The following TRPM3 variants were observed in gnomAD, a reference collection of about 807,000 sequenced individuals.
The protein encoded by TRPM3 is long transient receptor potential channel 3.
TRPM3 carries 77 observed loss-of-function variants against 181.2 expected under a neutral mutation model. That is an observed-to-expected ratio of 0.42 (90% CI 0.35 to 0.51). The LOEUF (loss-of-function observed/expected upper bound fraction) is 0.51. Ranked by LOEUF, TRPM3 falls within the 20% of genes least tolerant of loss-of-function variation. TRPM3 has a pLI of 0.01. For missense variants in TRPM3, 1,759 were observed against 2,196.7 expected (o/e 0.80, Z 3.98); for synonymous variants, 745 against 796.4 (o/e 0.94, Z 1.09).
intron 21 of TRPM3, among the ~76,000 whole-genome samples, chr9:70,593,793 C>T (rs2058524252): frequency 6.7e-6 from 1 of 149,894 alleles, no homozygotes; most frequent in Admixed American, 6.7e-5. Flanking sequence ...TGATCCTGTC[C>T]TAATCTTGTA....
chr9:71,135,961 A>T (rs2074742188), intron 1 of TRPM3, among the ~76,000 whole-genome samples: 1 of 152,188 alleles, frequency 6.6e-6, no homozygotes, highest in Non-Finnish European at 1.5e-5. Context: ...CATGAATTTA[A>T]GAGTTTAGTA....
chr9:70,663,307 G>A (rs973862891), intron 9 of TRPM3, among the ~76,000 whole-genome samples: 3 of 152,146 alleles, frequency 2.0e-5, no homozygotes, highest in Non-Finnish European at 2.9e-5. Context: ...CTCAGGTGAC[G>A]GGTGCATTAA....
At chr9:71,165,342 G>A (rs946819335) in intron 1 of TRPM3, among the ~76,000 whole-genome samples, 1 of 152,122 alleles carries the variant, frequency 6.6e-6, no homozygotes, top group African/African-American at 2.4e-5. Flanking sequence ...TATTACTGCT[G>A]TTTTGTTATG....
intron 1 of TRPM3, among the ~76,000 whole-genome samples, chr9:70,876,309 A>G (rs1283351092): frequency 7.5e-6 from 1 of 133,694 alleles, no homozygotes; most frequent in South Asian, 2.2e-4. Flanking sequence ...ATATACATAT[A>G]TAGACATATA....
At chr9:71,399,777 C>T (rs557666418) in intron 1 of TRPM3, among the ~76,000 whole-genome samples, 5 of 152,212 alleles carry the variant, frequency 3.3e-5, no homozygotes, top group South Asian at 4.2e-4. Flanking sequence ...GTGATCCGCC[C>T]GCCTTGGGCT....
At chr9:70,921,974 CAT>C (rs1554770586) in intron 1 of TRPM3, among the ~76,000 whole-genome samples, 151 of 150,514 alleles carry the variant, frequency 1.0e-3, no homozygotes, top group African/African-American at 2.6e-3. Flanking sequence ...CACACACACA[CAT>C]ATAGTTATTT....
intron 1 of TRPM3, among the ~76,000 whole-genome samples, chr9:70,967,944 A>C (rs1264615961): frequency 6.6e-6 from 1 of 152,102 alleles, no homozygotes; most frequent in African/African-American, 2.4e-5. Flanking sequence ...TTTATAGATG[A>C]GAATTGTGAG....
In TRPM3 at chr9:71,121,443, C is replaced by T; in HGVS notation, c.-89G>A. On this transcript the variant is annotated 5_prime_UTR_variant, in exon 1 of 26. Transcript: ENST00000677713. ...TAGTCAAGTAGCCTTGCCTGAGCCC[C>T]TGAACCTTCTTAAAACAGCCACCTC... 6.7e-7 allele frequency: 1 copy of T among 1,495,470 alleles called. No homozygotes were observed. 92.6% of individuals were successfully genotyped at this position (1,495,470 alleles called of 1,614,324 possible). A position where few individuals can be genotyped will look rare whatever the true frequency, so the allele number is the denominator to read the frequency against.
intron 1 of TRPM3, among the ~76,000 whole-genome samples, chr9:71,144,346 C>G (rs1222443863): frequency 6.6e-6 from 1 of 152,112 alleles, no homozygotes; most frequent in East Asian, 1.9e-4. Context: ...CTTTTTAATC[C>G]TACTTTTTGC....
chr9:70,954,984 C>G (rs1296488881), intron 1 of TRPM3, among the ~76,000 whole-genome samples: 1 of 152,074 alleles, frequency 6.6e-6, no homozygotes, highest in Admixed American at 6.6e-5. Context: ...TAGGTGAGTG[C>G]CTGCGAGTTA....
intron 1 of TRPM3, among the ~76,000 whole-genome samples, chr9:71,264,003 C>T (rs966287244): frequency 3.3e-5 from 5 of 152,072 alleles, no homozygotes; most frequent in Admixed American, 6.6e-5. Flanking sequence ...AGGCTGGTCT[C>T]GAATTCCTGG....
In TRPM3 at chr9:70,533,966, G is replaced by A. The variant is rs1461473205; in HGVS notation, c.*1987C>T. On this transcript the variant is annotated 3_prime_UTR_variant, in exon 26 of 26. Coordinates refer to ENST00000677713, the MANE Select transcript of TRPM3 (RefSeq NM_001366145.2). The stretch of plus-strand genomic sequence containing the variant: ...ATTTCACAAAATAAAGTAAAACTTG[G>A]TGTTTTCAATTATAATTAAACAAAA... 2.6e-5 allele frequency: 4 copies of A among 152,120 alleles called. No homozygotes were observed. The highest frequency in any genetic ancestry group is 6.5e-5 in the Admixed American group (1 of 15,274). 9.4% of individuals were successfully genotyped at this position (152,120 alleles called of 1,614,324 possible).
At chr9:71,013,312 G>C (rs904468374) in intron 1 of TRPM3, among the ~76,000 whole-genome samples, 3 of 151,946 alleles carry the variant, frequency 2.0e-5, no homozygotes, top group African/African-American at 7.2e-5. Flanking sequence ...TTAGTCATAA[G>C]ATGTTTTATG....
intron 1 of TRPM3, among the ~76,000 whole-genome samples, chr9:71,091,138 A>C (rs1263820607): frequency 6.6e-6 from 1 of 152,172 alleles, no homozygotes; most frequent in Admixed American, 6.6e-5. Context: ...TCAAAGCTTA[A>C]ACACACCATG....
At chr9:71,202,157 C>T (rs964623825) in intron 1 of TRPM3, among the ~76,000 whole-genome samples, 1 of 152,140 alleles carries the variant, frequency 6.6e-6, no homozygotes, top group South Asian at 2.1e-4. Context: ...TTTCATGAAC[C>T]GCAAATGCTG....
At chr9:70,870,009 C>T (rs913470741) in intron 1 of TRPM3, among the ~76,000 whole-genome samples, 3 of 152,002 alleles carry the variant, frequency 2.0e-5, no homozygotes, top group African/African-American at 4.8e-5. Context: ...TATATGAGCA[C>T]TTCATCTCCA....
rs574300177 is a variant in TRPM3 at position 70,617,320 on chromosome 9, T to C, written c.2359-1245A>G. ...CCCATGACCCACATCACAGAACCTT[T>C]CTGTGACTCTAGGCCAAGAGCCCAC... On this transcript the variant is annotated intron_variant, in intron 17 of 25. Transcript: ENST00000677713. Among the ~76,000 whole-genome samples the C allele has an allele frequency of 8.5e-5, 13 of 152,152 alleles. No homozygotes were observed. The South Asian group carries it at 2.5e-3, about 29-fold the overall frequency.
At chr9:70,602,619 A>G (rs1395818053) in intron 20 of TRPM3, among the ~76,000 whole-genome samples, 1 of 152,220 alleles carries the variant, frequency 6.6e-6, no homozygotes, top group Non-Finnish European at 1.5e-5. Flanking sequence ...CTTGTGGTGA[A>G]CATTGAGTGG....
intron 18 of TRPM3, among the ~76,000 whole-genome samples, chr9:70,611,446 G>T (rs2061987100): frequency 6.6e-6 from 1 of 152,012 alleles, no homozygotes; most frequent in Non-Finnish European, 1.5e-5. Flanking sequence ...CACTTCCTCG[G>T]TCTGTCACTC....
Sources: allele counts gnomAD v4.1 joint callset (sites outside exome capture counted in the v4.1 genomes callset), GRCh38; gene constraint gnomAD v4.1.1; transcripts MANE v1.5; gene names NCBI Gene and HGNC (gene_info 2026-07-23, HGNC 2026-07-21).